Variants in LEPR observed in about 807,000 individuals in gnomAD.
The protein encoded by LEPR is OB receptor.
A neutral mutation model predicts 114.7 loss-of-function variants in LEPR; 56 were observed. The ratio of observed to expected loss-of-function variants is 0.49; its 90% CI spans 0.39 to 0.61. LEPR has a LOEUF of 0.61. Ranked by LOEUF, LEPR falls within the 20% of genes least tolerant of loss-of-function variation. LEPR has a pLI of 0.00. For missense variants in LEPR, 1,202 were observed against 1,352.9 expected, an observed-to-expected ratio of 0.89 and a Z score of 1.75; for synonymous variants, 443 against 461.4, an observed-to-expected ratio of 0.96 and a Z score of 0.51.
chr1:65,517,194 C>T (rs1649332292), intron 2 of LEPR, among the ~76,000 whole-genome samples: 1 of 152,138 alleles, frequency 6.6e-6, no homozygotes, highest in Admixed American at 6.5e-5. Context: ...ACTATAGATA[C>T]TGGTGGTTCC....
intron 5 of LEPR, among the ~76,000 whole-genome samples, chr1:65,580,952 G>A (rs1654940574): frequency 1.3e-5 from 2 of 152,096 alleles, no homozygotes; most frequent in African/African-American, 4.8e-5. Flanking sequence ...TCAGGATGGA[G>A]GGATACACAA....
chr1:65,422,516 G>A lies in LEPR; in HGVS notation c.-97+1776G>A, dbSNP rs947694113. Among the ~76,000 whole-genome samples the A allele has an allele frequency of 1.8e-4, 28 of 152,210 alleles. 1 individual carries two copies. Among genetic ancestry groups the A allele is most frequent in the Non-Finnish European group, 8.8e-5 (6 of 68,036 alleles). The stretch of plus-strand genomic sequence containing the variant: ...CATCCAGTTTGTGGTACTTTGTAAC[G>A]GCAGCCCTAGGAAGCTGATGCAGGT... On this transcript the variant is annotated intron_variant, in intron 1 of 19. Transcript: ENST00000349533.
chr1:65,490,745 C>A (rs987599679), intron 2 of LEPR, among the ~76,000 whole-genome samples: 6 of 152,066 alleles, frequency 3.9e-5, no homozygotes, highest in African/African-American at 1.4e-4. Context: ...ATCCTTGGGC[C>A]TAAAAACAAG....
chr1:65,553,149 T>A lies in LEPR; in HGVS notation c.-20-12397T>A, dbSNP rs182102738. 2.6e-5 allele frequency among the ~76,000 whole-genome samples: 4 copies of A among 152,320 alleles called. No homozygotes were observed. In the East Asian group the frequency reaches 5.8e-4, roughly 22 times the overall value. On this transcript the variant is annotated intron_variant, in intron 2 of 19. Coordinates refer to ENST00000349533, the MANE Select transcript of LEPR (RefSeq NM_002303.6). ...CCTTTCTCTCTGGCTGCCCTTGACG[T>A]TTTTTCCTTCATTTCAACCTTGGTG...
chr1:65,431,889 A>G (rs199879055), intron 2 of LEPR: 14 of 1,613,954 alleles, frequency 8.7e-6, no homozygotes, highest in Non-Finnish European at 1.2e-5. Context: ...TATTTGGAAG[A>G]GGAGATGATT....
At chr1:65,491,784 C>T (rs543351315) in intron 2 of LEPR, among the ~76,000 whole-genome samples, 3 of 152,060 alleles carry the variant, frequency 2.0e-5, no homozygotes, top group Non-Finnish European at 2.9e-5. Context: ...TACCAGTATC[C>T]TTGCCTTTTA....
At chr1:65,420,793 T>C in intron 1 of LEPR, 53 bp downstream of exon 1, 1 of 1,558,874 alleles carries the variant, frequency 6.4e-7, no homozygotes, top group Non-Finnish European at 8.7e-7. Context: ...CCACCTCCGT[T>C]CCGGTCAAGC....
Position 65,633,722 on chromosome 1 carries a change from A to G in LEPR, c.2674-2469A>G, listed in dbSNP as rs778805428. On this transcript the variant is annotated intron_variant, in intron 19 of 19. Transcript: ENST00000349533. This position sits in a 1 kb window ranked among gnomAD's most constrained non-coding sequence, Gnocchi z 4.1. ...TCAGCCTATTCGGGTGTTCTTTTGA[A>G]TATCTCCTGGCATTTTTGTATCTAA... 134 of 985,282 alleles carry G rather than the reference A, an allele frequency of 1.4e-4. No homozygotes were observed. The highest frequency in any genetic ancestry group is 1.5e-4 in the Non-Finnish European group (127 of 829,892). 61.0% of individuals were successfully genotyped at this position (985,282 alleles called of 1,614,324 possible).
chr1:65,455,622 G>A (rs1185931543), intron 2 of LEPR, among the ~76,000 whole-genome samples: 1 of 152,228 alleles, frequency 6.6e-6, no homozygotes, highest in African/African-American at 2.4e-5. Context: ...ACCCACTTGA[G>A]GAGGCAGTCT....
At chr1:65,549,053 C>T (rs999712008) in intron 2 of LEPR, among the ~76,000 whole-genome samples, 3 of 151,404 alleles carry the variant, frequency 2.0e-5, no homozygotes, top group Non-Finnish European at 4.4e-5. Flanking sequence ...TATTTTATTT[C>T]TCCTTCACTT....
Position 65,622,945 on chromosome 1 carries a change from G to A in LEPR, c.2637G>A (p.Lys879=). 1 of 1,613,950 alleles carries A rather than the reference G, an allele frequency of 6.2e-7. No individual in the cohort carries two copies. Among genetic ancestry groups the A allele is most frequent in the African/African-American group, 1.3e-5 (1 of 75,022 alleles). ...KLFWEDVPNP[K]NCSWAQGLNF... is the part of the protein sequence containing the mutation. Reference sequence around the variant, plus strand: ...TTTGGGAAGATGTTCCGAACCCCAAGAATTGTTCCTGGGCACAAGGACTTA... The same window carrying A: ...TTTGGGAAGATGTTCCGAACCCCAAAAATTGTTCCTGGGCACAAGGACTTA... The change falls in exon 19 of 20, where the codon AAG becomes AAA. Residue 879 remains lysine (K), a synonymous_variant. Transcript: ENST00000349533.
At chr1:65,634,401 A>T in intron 19 of LEPR, 11 of 971,550 alleles carry the variant, frequency 1.1e-5, no homozygotes, top group Non-Finnish European at 1.3e-5. Flanking sequence ...ATTACTGCCC[A>T]CTCAACACAT....
intron 2 of LEPR, among the ~76,000 whole-genome samples, chr1:65,437,245 T>C (rs150193715): frequency 6.6e-6 from 1 of 152,302 alleles, no homozygotes; most frequent in Non-Finnish European, 1.5e-5. Context: ...TGCTCAGCTC[T>C]TTAATAAAAT....
In LEPR at chr1:65,444,755, T is replaced by C. The variant is rs569411604; in HGVS notation, c.-21+19377T>C. On this transcript the variant is annotated intron_variant, in intron 2 of 19. Coordinates refer to ENST00000349533, the MANE Select transcript of LEPR (RefSeq NM_002303.6). ...AAAAATTATTAAATATTTTGAATTC[T>C]TTATGTTATTACAATTTTTACTTTT... 5.3e-5 allele frequency among the ~76,000 whole-genome samples: 8 copies of C among 152,340 alleles called. No homozygotes were observed. The South Asian group carries it at 1.7e-3, about 32-fold the overall frequency.
chr1:65,425,245 T>A, intron 1 of LEPR, 58 bp from the exon 2 acceptor site: 1 of 1,480,510 alleles, frequency 6.8e-7, no homozygotes, highest in Non-Finnish European at 9.4e-7. Context: ...CCCCAAACCC[T>A]CTAGTGCCTG....
At chr1:65,498,075 T>C (rs1648254288) in intron 2 of LEPR, among the ~76,000 whole-genome samples, 1 of 152,146 alleles carries the variant, frequency 6.6e-6, no homozygotes, top group Non-Finnish European at 1.5e-5. Context: ...TGTATGAATA[T>C]TGTAGGATAG....
intron 2 of LEPR, among the ~76,000 whole-genome samples, chr1:65,487,125 T>A (rs1442289976): frequency 1.3e-5 from 2 of 152,158 alleles, no homozygotes; most frequent in African/African-American, 4.8e-5. Flanking sequence ...ATAATAGAAT[T>A]TTTGGAAAGT....
intron 2 of LEPR, among the ~76,000 whole-genome samples, chr1:65,476,987 A>G (rs1297762246): frequency 2.0e-5 from 3 of 152,222 alleles, no homozygotes; most frequent in African/African-American, 7.2e-5. Context: ...AAAAACACAC[A>G]AGCACACATA....
At chr1:65,502,540 C>T (rs1648508673) in intron 2 of LEPR, among the ~76,000 whole-genome samples, 1 of 152,034 alleles carries the variant, frequency 6.6e-6, no homozygotes, top group Non-Finnish European at 1.5e-5. Flanking sequence ...TATAGCTTCC[C>T]TGTGGAGCTG....
Sources: gnomAD v4.1 joint callset for allele counts (sites outside exome capture counted in the v4.1 genomes callset) on GRCh38, gnomAD v4.1.1 for gene constraint, Gnocchi (gnomAD v3.1) non-coding constraint, MANE v1.5 for transcripts, NCBI Gene and HGNC (gene_info 2026-07-23, HGNC 2026-07-21) for gene names.